COLEC12: variants seen among roughly 807,000 people sequenced by gnomAD.
The protein encoded by COLEC12 is collectin subfamily member 12, also known as collectin-12.
COLEC12 carries 33 observed loss-of-function variants against 71.1 expected under a neutral mutation model. That is an observed-to-expected ratio of 0.46 (90% confidence interval 0.35 to 0.62). The LOEUF is 0.62. COLEC12 is among the 20% of genes least tolerant of loss of function. The pLI, the probability that COLEC12 is intolerant of heterozygous loss-of-function variation, is 0.00. For synonymous variants in COLEC12, 350 were observed against 353.0 expected (o/e 0.99, Z 0.10); for missense variants, 765 against 916.1 (o/e 0.84, Z 2.13).
At chr18:454,671 A>C (rs1916830044) in intron 2 of COLEC12, among the ~76,000 whole-genome samples, 1 of 152,198 alleles carries the variant, frequency 6.6e-6, no homozygotes, top group Admixed American at 6.5e-5. Context: ...GATAAAAGTG[A>C]GACTCTGTCT....
chr18:492,515 G>A (rs892755256), intron 1 of COLEC12, among the ~76,000 whole-genome samples: 1 of 152,148 alleles, frequency 6.6e-6, no homozygotes, highest in African/African-American at 2.4e-5. Context: ...TATGGTGGAG[G>A]TGATGCACTT....
intron 2 of COLEC12, among the ~76,000 whole-genome samples, chr18:407,676 G>A (rs922748616): frequency 6.6e-6 from 1 of 152,144 alleles, no homozygotes; most frequent in South Asian, 2.1e-4. Context: ...CAATCTGAAC[G>A]TTAATCTTGT....
chr18:350,167 T>C (rs1221792704), intron 3 of COLEC12, among the ~76,000 whole-genome samples: 1 of 152,212 alleles, frequency 6.6e-6, no homozygotes, highest in Non-Finnish European at 1.5e-5. Flanking sequence ...TTACATGTGT[T>C]GTGGGAAGGA....
chr18:460,291 C>T (rs934604489), intron 2 of COLEC12, among the ~76,000 whole-genome samples: 6 of 152,076 alleles, frequency 3.9e-5, no homozygotes, highest in African/African-American at 7.3e-5. Flanking sequence ...TTACTACACG[C>T]CTAAGGTTTT....
intron 2 of COLEC12, among the ~76,000 whole-genome samples, chr18:397,047 T>A (rs1183539922): frequency 6.6e-6 from 1 of 152,170 alleles, no homozygotes; most frequent in Non-Finnish European, 1.5e-5. Flanking sequence ...GGATGGACCT[T>A]GTTGCTTTGT....
chr18:472,451 C>T (rs935413640), intron 2 of COLEC12, among the ~76,000 whole-genome samples: 2 of 151,960 alleles, frequency 1.3e-5, no homozygotes, highest in East Asian at 1.9e-4. Context: ...GCTGGGGCCA[C>T]GATGGTCATT....
chr18:341,326 C>T (rs144119838), intron 5 of COLEC12, among the ~76,000 whole-genome samples: 155 of 152,316 alleles, frequency 1.0e-3, no homozygotes, highest in African/African-American at 3.0e-3. Flanking sequence ...TTCCCTCCCC[C>T]GCAAATGGGG....
At chr18:422,298 C>T (rs1017798280) in intron 2 of COLEC12, among the ~76,000 whole-genome samples, 4 of 152,112 alleles carry the variant, frequency 2.6e-5, no homozygotes, top group Non-Finnish European at 4.4e-5. Flanking sequence ...TTATTTCCGA[C>T]GGCCTCTTTT....
chr18:389,372 A>G (rs979163519), intron 2 of COLEC12, among the ~76,000 whole-genome samples: 8 of 151,320 alleles, frequency 5.3e-5, no homozygotes, highest in Admixed American at 3.3e-4. Context: ...TCCGCCTCCC[A>G]GGTTCAAGTC....
intron 2 of COLEC12, among the ~76,000 whole-genome samples, chr18:383,440 G>A (rs1915276801): frequency 6.6e-6 from 1 of 152,100 alleles, no homozygotes; most frequent in African/African-American, 2.4e-5. Flanking sequence ...TCATCATAAA[G>A]TCCCAGAGGA....
chr18:423,241 C>G (rs1483650498), intron 2 of COLEC12, among the ~76,000 whole-genome samples: 1 of 152,124 alleles, frequency 6.6e-6, no homozygotes, highest in Non-Finnish European at 1.5e-5. Flanking sequence ...TGCACTCCAG[C>G]CTGGACAAGA....
intron 2 of COLEC12, among the ~76,000 whole-genome samples, chr18:464,161 C>G (rs1230377806): frequency 6.6e-6 from 1 of 152,190 alleles, no homozygotes; most frequent in Non-Finnish European, 1.5e-5. Context: ...TACCACAAAC[C>G]TCCACGGATA....
intron 2 of COLEC12, among the ~76,000 whole-genome samples, chr18:394,455 G>T (rs976864658): frequency 2.0e-5 from 3 of 152,208 alleles, no homozygotes; most frequent in African/African-American, 7.2e-5. Context: ...AATATCCATT[G>T]GGTGATGTAA....
chr18:362,256 T>G lies in COLEC12; in HGVS notation c.59-4734A>C, dbSNP rs1914763216. ...TTCTCACTGCTGACTCTATCAGCAT[T>G]TAATCAATATCAGATGGCACTGCCT... On this transcript the variant is annotated intron_variant, in intron 2 of 9. Transcript: ENST00000400256. This position sits in a 1 kb window ranked among gnomAD's most constrained non-coding sequence, Gnocchi z 4.6. Among the ~76,000 whole-genome samples, 1 of 152,208 alleles carries G rather than the reference T, an allele frequency of 6.6e-6. No homozygotes were observed. The highest frequency in any genetic ancestry group is 2.1e-4 in the South Asian group (1 of 4,826).
At chr18:498,478 G>T in intron 1 of COLEC12, among the ~76,000 whole-genome samples, 1 of 151,426 alleles carries the variant, frequency 6.6e-6, no homozygotes, top group Non-Finnish European at 1.5e-5. Flanking sequence ...TCCTGCCTCA[G>T]CCTCTCAAGT....
chr18:330,979 A>C (rs966077860), intron 8 of COLEC12, among the ~76,000 whole-genome samples: 1 of 148,788 alleles, frequency 6.7e-6, no homozygotes, highest in African/African-American at 2.5e-5. Flanking sequence ...TCCTGGGTTT[A>C]AGCAATTCTT....
At chr18:322,583 A>C (rs1372616896) in intron 8 of COLEC12, among the ~76,000 whole-genome samples, 1 of 152,216 alleles carries the variant, frequency 6.6e-6, no homozygotes, top group Non-Finnish European at 1.5e-5. Context: ...CGAATAAATC[A>C]GGTGTGCTTC....
At chr18:393,250 T>C (rs1251057809) in intron 2 of COLEC12, among the ~76,000 whole-genome samples, 3 of 152,362 alleles carry the variant, frequency 2.0e-5, no homozygotes, top group African/African-American at 7.2e-5. Context: ...ATATTTCCAC[T>C]GTATCCCATC....
chr18:346,155 G>A lies in COLEC12; in HGVS notation c.1327+140C>T. 3.0e-6 allele frequency: 2 copies of A among 655,946 alleles called. No homozygotes were observed. The highest frequency in any genetic ancestry group is 5.2e-6 in the Non-Finnish European group (2 of 386,322). The allele number at this position is 655,946 out of a possible 1,614,324, so 40.6% of individuals were successfully genotyped here. The stretch of plus-strand genomic sequence containing the variant: ...AAAAACAGTGAGTCAGGACCATCTA[G>A]CTAAGCTGCTCTTGAATTCCTGGTC... On this transcript the variant is annotated intron_variant, in intron 5 of 9. Transcript: ENST00000400256. The surrounding 1 kb of genome is among the most constrained non-coding windows in gnomAD (Gnocchi z 4.0).
Sources: allele counts gnomAD v4.1 joint callset (sites outside exome capture counted in the v4.1 genomes callset), GRCh38; gene constraint gnomAD v4.1.1; non-coding constraint Gnocchi (gnomAD v3.1); transcripts MANE v1.5; gene names NCBI Gene and HGNC (gene_info 2026-07-23, HGNC 2026-07-21).